The following CADM2 variants were observed in gnomAD, a reference collection of about 807,000 sequenced individuals.
CADM2 encodes immunoglobulin superfamily member 4D.
In CADM2, 12 loss-of-function variants were observed where a neutral mutation model predicts 49.8. That is an observed-to-expected ratio of 0.24 (90% CI 0.15 to 0.39). The LOEUF (loss-of-function observed/expected upper bound fraction) is 0.39, where lower values mean the gene tolerates loss of function less well. Among genes scored for constraint, CADM2 ranks in the 10% least tolerant of loss-of-function variants. The pLI is 1.00. For synonymous variants in CADM2, 214 were observed against 175.4 expected, an observed-to-expected ratio of 1.22 and a Z score of -1.74; for missense variants, 378 against 492.3, an observed-to-expected ratio of 0.77 and a Z score of 2.20.
chr3:85,830,943 T>C (rs930515211), intron 3 of CADM2, among the ~76,000 whole-genome samples: 3 of 151,684 alleles, frequency 2.0e-5, no homozygotes, highest in African/African-American at 7.3e-5. Flanking sequence ...ATCTCCCAAG[T>C]TGTGAGCATA....
At chr3:85,840,610 C>T (rs2074600296) in intron 3 of CADM2, among the ~76,000 whole-genome samples, 1 of 151,904 alleles carries the variant, frequency 6.6e-6, no homozygotes, top group South Asian at 2.1e-4. Flanking sequence ...AATTATATGA[C>T]ACAGAATACC....
At chr3:85,412,402 A>T (rs2035695914) in intron 1 of CADM2, among the ~76,000 whole-genome samples, 1 of 152,200 alleles carries the variant, frequency 6.6e-6, no homozygotes, top group Non-Finnish European at 1.5e-5. Context: ...TAACTGTAGA[A>T]ATTTACAATT....
intron 2 of CADM2, among the ~76,000 whole-genome samples, chr3:85,735,265 G>A (rs866958516): frequency 4.6e-5 from 7 of 152,078 alleles, no homozygotes; most frequent in South Asian, 4.1e-4. Context: ...GTGGACATTT[G>A]AACAGAAAAT....
At position 85,976,734 on chromosome 3, in the gene CADM2, C is replaced by G. The variant is rs565830870; in HGVS notation, c.970+15087C>G. On this transcript the variant is annotated intron_variant, in intron 8 of 9. Coordinates refer to ENST00000383699, the MANE Select transcript of CADM2 (RefSeq NM_001167675.2). The stretch of plus-strand genomic sequence containing the variant: ...CACTTTCCACCAAATTACTTTCAGT[C>G]AATTTGTTTTTAGCCACATATGATG... 7.9e-5 allele frequency among the ~76,000 whole-genome samples: 12 copies of G among 151,516 alleles called. No homozygotes were observed. The South Asian group carries it at 2.5e-3, about 31-fold the overall frequency.
chr3:85,568,263 A>G (rs1178516240), intron 1 of CADM2, among the ~76,000 whole-genome samples: 2 of 152,192 alleles, frequency 1.3e-5, no homozygotes, highest in African/African-American at 4.8e-5. Flanking sequence ...GCGAAGTGGT[A>G]CACAAGAAAT....
At chr3:85,717,137 G>GT (rs2067322140) in intron 1 of CADM2, among the ~76,000 whole-genome samples, 1 of 152,286 alleles carries the variant, frequency 6.6e-6, no homozygotes, top group African/African-American at 2.4e-5. Flanking sequence ...AGCATGGAAT[G>GT]TTTTTCCATT....
intron 7 of CADM2, among the ~76,000 whole-genome samples, chr3:85,950,917 G>T (rs1049855407): frequency 1.3e-5 from 2 of 151,002 alleles, no homozygotes; most frequent in Non-Finnish European, 3.0e-5. Context: ...CAGTTTAAGG[G>T]AGTAAGTAGG....
At chr3:85,602,086 A>T (rs2063423491) in intron 1 of CADM2, among the ~76,000 whole-genome samples, 1 of 151,824 alleles carries the variant, frequency 6.6e-6, no homozygotes, top group Non-Finnish European at 1.5e-5. Context: ...CATTAAAGAC[A>T]TTCAATTTTT....
chr3:85,210,814 T>A (rs2041760502), intron 1 of CADM2, among the ~76,000 whole-genome samples: 1 of 152,160 alleles, frequency 6.6e-6, no homozygotes, highest in Non-Finnish European at 1.5e-5. Context: ...AGTAGAAGAT[T>A]ACAGGCATGA....
At chr3:85,164,706 T>C (rs540868682) in intron 1 of CADM2, among the ~76,000 whole-genome samples, 7 of 152,128 alleles carry the variant, frequency 4.6e-5, no homozygotes, top group African/African-American at 1.2e-4. Context: ...TGTGCCCCAA[T>C]TGAATAGACA....
intron 8 of CADM2, among the ~76,000 whole-genome samples, chr3:86,046,402 C>T (rs1322617209): frequency 1.3e-5 from 2 of 152,116 alleles, no homozygotes; most frequent in Non-Finnish European, 2.9e-5. Context: ...TCTTCTCATT[C>T]TCCATAGACG....
intron 1 of CADM2, among the ~76,000 whole-genome samples, chr3:85,016,578 A>G (rs2034256674): frequency 6.6e-6 from 1 of 152,110 alleles, no homozygotes; most frequent in African/African-American, 2.4e-5. Context: ...ACATCAGCTG[A>G]GGTCAAGAGT....
chr3:85,528,810 A>C (rs1331058792), intron 1 of CADM2, among the ~76,000 whole-genome samples: 2 of 152,182 alleles, frequency 1.3e-5, no homozygotes, highest in Non-Finnish European at 2.9e-5. Context: ...AGTGTTGTTT[A>C]TTTCTTTCTT....
At chr3:85,563,541 A>C (rs2062163155) in intron 1 of CADM2, among the ~76,000 whole-genome samples, 1 of 152,122 alleles carries the variant, frequency 6.6e-6, no homozygotes, top group Non-Finnish European at 1.5e-5. Context: ...GTAGGCCAGC[A>C]TGACTCCTTG....
chr3:85,155,891 A>G (rs2040096823), intron 1 of CADM2, among the ~76,000 whole-genome samples: 1 of 152,196 alleles, frequency 6.6e-6, no homozygotes, highest in East Asian at 1.9e-4. Context: ...TTTGAAACCA[A>G]TGAGATCAAA....
chr3:85,653,267 G>A (rs946178861), intron 1 of CADM2, among the ~76,000 whole-genome samples: 4 of 149,006 alleles, frequency 2.7e-5, no homozygotes, highest in Non-Finnish European at 4.4e-5. Flanking sequence ...GCCATAGGAG[G>A]GATTTAAACA....
intron 1 of CADM2, among the ~76,000 whole-genome samples, chr3:85,358,403 A>G (rs895374905): frequency 6.6e-6 from 1 of 152,074 alleles, no homozygotes; most frequent in African/African-American, 2.4e-5. Flanking sequence ...AAATATATAT[A>G]TATAGTTCAG....
chr3:85,251,292 G>A (rs2042768137), intron 1 of CADM2, among the ~76,000 whole-genome samples: 1 of 151,706 alleles, frequency 6.6e-6, no homozygotes, highest in Admixed American at 6.6e-5. Context: ...TTAAGCCATT[G>A]TCTTTTCACT....
chr3:85,896,811 C>T (rs899071477), intron 5 of CADM2, among the ~76,000 whole-genome samples: 2 of 152,148 alleles, frequency 1.3e-5, no homozygotes, highest in African/African-American at 4.8e-5. Context: ...CTTATATCGG[C>T]AGTTGGAGAA....
Sources: gnomAD v4.1 joint callset for allele counts (sites outside exome capture counted in the v4.1 genomes callset) on GRCh38, gnomAD v4.1.1 for gene constraint, MANE v1.5 for transcripts, NCBI Gene and HGNC (gene_info 2026-07-23, HGNC 2026-07-21) for gene names.